The following GRB10 variants were observed in gnomAD, a reference collection of about 807,000 sequenced individuals.
GRB10 encodes the protein growth factor receptor bound protein 10, also known as growth factor receptor-bound protein 10.
A neutral mutation model predicts 80.9 loss-of-function variants in GRB10; 20 were observed. The observed-to-expected ratio is 0.25, with a 90% CI of 0.17 to 0.36. The LOEUF is 0.36. Among genes scored for constraint, GRB10 ranks in the 10% least tolerant of loss-of-function variants. GRB10 has a pLI of 1.00. For synonymous variants in GRB10, 291 were observed against 291.5 expected (o/e 1.00, Z 0.02); for missense variants, 548 against 747.7 (o/e 0.73, Z 3.12).
At chr7:50,782,902 C>T (rs2078462607), upstream of GRB10, 1 of 152,316 alleles carries the variant, frequency 6.6e-6, no homozygotes, top group Non-Finnish European at 1.5e-5. This position sits in a 1 kb window ranked among gnomAD's most constrained non-coding sequence, Gnocchi z 6.6. Context: ...ATCCCAGGAC[C>T]AAACCCATGT....
At chr7:50,737,218 C>T (rs989741401) in intron 3 of GRB10, among the ~76,000 whole-genome samples, 2 of 152,184 alleles carry the variant, frequency 1.3e-5, no homozygotes, top group Admixed American at 1.3e-4. Flanking sequence ...GAACTGTAAT[C>T]CCCAGCGTTG....
intron 5 of GRB10, among the ~76,000 whole-genome samples, chr7:50,681,786 G>A (rs528876957): frequency 4.7e-5 from 7 of 148,054 alleles, no homozygotes; most frequent in African/African-American, 1.8e-4. Flanking sequence ...CACGTTTCAC[G>A]GGGGCTGCAC....
At position 50,780,755 on chromosome 7, in the gene GRB10, C is replaced by T. The variant is rs566566502; in HGVS notation, c.-326-19G>A. On this transcript the variant is annotated intron_variant, in intron 1 of 18. Transcript: ENST00000401949. ...CCCAAGTCTGAAAGAAAGGTAAAAC[C>T]ATTCTAGTCCAAGCGAGTTTCCTAA... The T allele has an allele frequency of 2.6e-5, 4 of 152,288 alleles. No individual in the cohort carries two copies. In the East Asian group the frequency reaches 7.7e-4, roughly 29 times the overall value. 9.4% of individuals were successfully genotyped at this position (152,288 alleles called of 1,614,324 possible).
intron 14 of GRB10, 81 bp from the exon 15 acceptor site, chr7:50,605,487 G>A (rs951547190): frequency 3.7e-5 from 42 of 1,134,032 alleles, no homozygotes; most frequent in Middle Eastern, 3.9e-4. Context: ...TCATCAAGAC[G>A]GTCAGGAAAG....
chr7:50,728,731 C>T (rs1054860014), intron 4 of GRB10, among the ~76,000 whole-genome samples: 4 of 152,124 alleles, frequency 2.6e-5, no homozygotes, highest in Admixed American at 6.6e-5. Context: ...AATGCAGTGG[C>T]ACGATCTTGG....
At chr7:50,624,017 A>G (rs116975337) in intron 8 of GRB10, among the ~76,000 whole-genome samples, 2,276 of 152,314 alleles carry the variant, frequency 0.015, 21 homozygotes, top group Non-Finnish European at 0.023. Context: ...TGTACTTTGT[A>G]CTTTGGAATC....
chr7:50,694,076 A>G (rs908984667), intron 5 of GRB10, among the ~76,000 whole-genome samples: 1 of 152,220 alleles, frequency 6.6e-6, no homozygotes, highest in Non-Finnish European at 1.5e-5. Context: ...ATCCTGGCTC[A>G]TGCCTGTAAT....
chr7:50,597,870 T>C (rs552993179), intron 17 of GRB10, among the ~76,000 whole-genome samples: 1 of 152,278 alleles, frequency 6.6e-6, no homozygotes, highest in Non-Finnish European at 1.5e-5. Flanking sequence ...GAACAACACC[T>C]CTTTTTTTTT....
intron 2 of GRB10, among the ~76,000 whole-genome samples, chr7:50,758,778 A>T (rs10264904): frequency 0.62 from 94,530 of 152,140 alleles, 32,136 homozygotes; most frequent in Middle Eastern, 0.87. Context: ...ATGAAGACAA[A>T]TTGAGAAATA....
At chr7:50,667,684 G>A (rs895100209) in intron 7 of GRB10, among the ~76,000 whole-genome samples, 6 of 151,048 alleles carry the variant, frequency 4.0e-5, no homozygotes, top group African/African-American at 1.5e-4. Flanking sequence ...AAAGAACAAA[G>A]AACAAGGACT....
intron 4 of GRB10, among the ~76,000 whole-genome samples, chr7:50,729,993 C>T (rs537915152): frequency 4.6e-5 from 7 of 152,176 alleles, no homozygotes; most frequent in East Asian, 1.9e-4. Context: ...GACCAGGCGC[C>T]GGGTAATTTA....
intron 8 of GRB10, among the ~76,000 whole-genome samples, chr7:50,621,966 C>T (rs1356881516): frequency 6.6e-6 from 1 of 152,198 alleles, no homozygotes; most frequent in African/African-American, 2.4e-5. Flanking sequence ...ACCTGTGCTG[C>T]CAGTTGGCAG....
chr7:50,635,318 A>AT (rs1276517792), intron 7 of GRB10, among the ~76,000 whole-genome samples: 3 of 152,130 alleles, frequency 2.0e-5, no homozygotes, highest in Non-Finnish European at 2.9e-5. Context: ...AGAAAAAGAA[A>AT]TTTTTTTAAT....
intron 5 of GRB10, among the ~76,000 whole-genome samples, chr7:50,696,314 A>T (rs541726728): frequency 1.8e-3 from 274 of 152,354 alleles, no homozygotes; most frequent in Non-Finnish European, 3.4e-3. Context: ...GTTACTTCTT[A>T]AAGAGGGCAC....
intron 3 of GRB10, among the ~76,000 whole-genome samples, chr7:50,742,244 T>C (rs1176066529): frequency 6.6e-6 from 1 of 151,490 alleles, no homozygotes; most frequent in Non-Finnish European, 1.5e-5. Context: ...TATTTGTCTA[T>C]GTGTAAACAC....
Position 50,776,224 on chromosome 7 carries a change from CT to C in GRB10, c.-217+4402del, listed in dbSNP as rs573322401. Among the ~76,000 whole-genome samples the C allele has an allele frequency of 1.4e-3, 220 of 152,152 alleles. 2 individuals carry two copies. Among genetic ancestry groups the C allele is most frequent in the African/African-American group, 4.9e-3 (205 of 41,518 alleles). ...ATATCCTTAAATTCTGCTTCCTTTT[CT>C]TTTTTGGAAACAGGGTCTCATTCTG... On this transcript the variant is annotated intron_variant, in intron 2 of 18. Transcript: ENST00000401949.
At chr7:50,710,770 G>A (rs779139942) in intron 4 of GRB10, 65 of 1,268,006 alleles carry the variant, frequency 5.1e-5, no homozygotes, top group African/African-American at 7.3e-5. Flanking sequence ...GAGGCAGAAC[G>A]ACCACTTCAT....
intron 3 of GRB10, among the ~76,000 whole-genome samples, chr7:50,746,130 C>G (rs530188386): frequency 6.6e-6 from 1 of 152,108 alleles, no homozygotes; most frequent in Non-Finnish European, 1.5e-5. Context: ...CAGATGGTTC[C>G]CAACTTGACA....
chr7:50,633,093 C>G (rs750417521), intron 7 of GRB10, among the ~76,000 whole-genome samples: 1 of 152,186 alleles, frequency 6.6e-6, no homozygotes, highest in South Asian at 2.1e-4. Context: ...ACTGCAAGCG[C>G]CACCTACTGG....
Sources: gnomAD v4.1 joint callset for allele counts (sites outside exome capture counted in the v4.1 genomes callset) on GRCh38, gnomAD v4.1.1 for gene constraint, Gnocchi (gnomAD v3.1) non-coding constraint, MANE v1.5 for transcripts, NCBI Gene and HGNC (gene_info 2026-07-23, HGNC 2026-07-21) for gene names.